The following ATG4D variants were observed in gnomAD, a reference collection of about 807,000 sequenced individuals.
ATG4D encodes cysteine protease ATG4D.
A neutral mutation model predicts 55.2 loss-of-function variants in ATG4D; 51 were observed. The observed-to-expected ratio is 0.92, with a 90% confidence interval of 0.74 to 1.17. The LOEUF is 1.17. Among genes scored for constraint, ATG4D ranks in the 50% most tolerant of loss-of-function variants. ATG4D has a pLI of 0.00. For synonymous variants in ATG4D, 268 were observed against 266.2 expected (o/e 1.01, Z -0.07); for missense variants, 635 against 649.6 (o/e 0.98, Z 0.25).
Position 10,545,311 on chromosome 19 carries a change from C to T in ATG4D, c.493+181C>T, listed in dbSNP as rs1306469413. On this transcript the variant is annotated intron_variant, in intron 3 of 9. Transcript: ENST00000309469. Reference sequence around the variant, plus strand: ...CCGGGGTTGGAAACGGTGGCTCATGCCTGTAATCCTAGCACTTTGGGAGGC... The same window carrying T: ...CCGGGGTTGGAAACGGTGGCTCATGTCTGTAATCCTAGCACTTTGGGAGGC... Among the ~76,000 whole-genome samples, 3 of 152,160 alleles carry T rather than the reference C, an allele frequency of 2.0e-5. No homozygotes were observed. In the East Asian group the frequency reaches 5.8e-4, roughly 29 times the overall value.
chr19:10,549,268 C>A (rs1916147275), intron 6 of ATG4D, among the ~76,000 whole-genome samples: 1 of 152,094 alleles, frequency 6.6e-6, no homozygotes, highest in Admixed American at 6.6e-5. Context: ...GGATTACAGG[C>A]ATGCGCCACC....
rs1916360247 is a variant in ATG4D at position 10,553,205 on chromosome 19, G to A, written c.*138G>A. 2 of 1,128,578 alleles carry A rather than the reference G, an allele frequency of 1.8e-6. No homozygotes were observed. The highest frequency in any genetic ancestry group is 2.6e-5 in the East Asian group (1 of 38,560). The allele number at this position is 1,128,578 out of a possible 1,614,324, so 69.9% of individuals were successfully genotyped here. ...TCAAGCCCAGCTGCAACCAGTCTGG[G>A]GCCATTCAGCCAGGGACAGAGCCCA... On this transcript the variant is annotated 3_prime_UTR_variant, in exon 10 of 10. Coordinates refer to ENST00000309469, the MANE Select transcript of ATG4D (RefSeq NM_032885.6).
intron 3 of ATG4D, among the ~76,000 whole-genome samples, chr19:10,546,634 A>G (rs1916037147): frequency 6.6e-6 from 1 of 152,134 alleles, no homozygotes; most frequent in Non-Finnish European, 1.5e-5. Flanking sequence ...GATTACAGGC[A>G]TGAGCCACCG....
In ATG4D at chr19:10,544,969, G is replaced by A. The variant is rs372027184; in HGVS notation, c.332G>A (p.Arg111His). Residue 111 changes from arginine to histidine, a missense_variant, in exon 3 of 10, where the codon CGT (arginine) becomes CAT (histidine). Arg to His is a conservative substitution (Grantham distance 29). Transcript: ENST00000309469. Reference sequence around the variant, plus strand: ...CCCGCTCTTGTAGGTGACATACAGCGTTTCCAGCGGGACTTTGTGTCCCGC... The same window carrying A: ...CCCGCTCTTGTAGGTGACATACAGCATTTCCAGCGGGACTTTGTGTCCCGC... ...YRFEGEGDIQ[R>H]FQRDFVSRLW... 1 of 1,591,196 alleles carries A rather than the reference G, an allele frequency of 6.3e-7. No homozygotes were observed. Among genetic ancestry groups the A allele is most frequent in the African/African-American group, 1.3e-5 (1 of 74,420 alleles).
At position 10,546,862 on chromosome 19, in the gene ATG4D, G is replaced by A. The variant is rs775891566; in HGVS notation, c.517G>A (p.Gly173Ser). The change falls in exon 4 of 10, where the codon GGC becomes AGC. Residue 173 changes from glycine (G) to serine (S), a missense_variant. By Grantham distance (56) the Gly-to-Ser change is moderately conservative. Transcript: ENST00000309469. ...PRDWTWAEGM[G>S]LGPPELSGSA... ...AGACTGGACATGGGCCGAGGGCATG[G>A]GCCTGGGCCCCCCTGAGCTGTCAGG... is the stretch of plus-strand genomic sequence containing the variant. The A allele has an allele frequency of 6.2e-5, 99 of 1,601,272 alleles. 1 individual carries two copies. The highest frequency in any genetic ancestry group is 2.1e-4 in the Middle Eastern group (1 of 4,812).
At position 10,544,166 on chromosome 19, in the gene ATG4D, C is replaced by G; in HGVS notation, c.76C>G (p.Arg26Gly). The part of the protein sequence containing the change: ...PEDARRRPEA[R>G]RPRGPRGPDP... ...GGACGCGCGCCGCCGGCCCGAGGCC[C>G]GCAGGCCGCGGGGTCCCAGAGGCCC... The change falls in exon 1 of 10, where the codon CGC (arginine) becomes GGC (glycine). Residue 26 changes from arginine (R) to glycine (G), a missense_variant. Transcript: ENST00000309469. The G allele has an allele frequency of 8.0e-7, 1 of 1,245,186 alleles. No homozygotes were observed. Among genetic ancestry groups the G allele is most frequent in the Non-Finnish European group, 1.0e-6 (1 of 987,556 alleles). 77.1% of individuals were successfully genotyped at this position (1,245,186 alleles called of 1,614,324 possible). A position where few individuals can be genotyped will look rare whatever the true frequency, so the allele number is the denominator to read the frequency against.
chr19:10,553,157 T>C lies in ATG4D; in HGVS notation c.*90T>C. On this transcript the variant is annotated 3_prime_UTR_variant, in exon 10 of 10. Transcript: ENST00000309469. Reference sequence around the variant, plus strand: ...GGATCTTGAGCTCTGGCAGTGATGATGGTACTTCCTGTTGTCAGCCCCTCA... The same window carrying C: ...GGATCTTGAGCTCTGGCAGTGATGACGGTACTTCCTGTTGTCAGCCCCTCA... 1 of 1,419,414 alleles carries C rather than the reference T, an allele frequency of 7.0e-7. No homozygotes were observed. The highest frequency in any genetic ancestry group is 9.3e-7 in the Non-Finnish European group (1 of 1,069,538). The allele number at this position is 1,419,414 out of a possible 1,614,324, so 87.9% of individuals were successfully genotyped here.
At chr19:10,552,397 G>C in intron 9 of ATG4D, 73 bp downstream of exon 9, 1 of 1,523,838 alleles carries the variant, frequency 6.6e-7, no homozygotes, top group Non-Finnish European at 8.8e-7. Flanking sequence ...AGGAACAGAG[G>C]CCTCGAGTCC....
intron 5 of ATG4D, among the ~76,000 whole-genome samples, chr19:10,547,897 A>G (rs1285580801): frequency 7.3e-6 from 1 of 136,410 alleles, no homozygotes; most frequent in Non-Finnish European, 1.5e-5. Flanking sequence ...GGGTTTCACC[A>G]TGTTGACAAG....
In ATG4D at chr19:10,544,211, C is replaced by T; in HGVS notation, c.121C>T (p.Pro41Ser). The T allele has an allele frequency of 1.6e-6, 2 of 1,252,754 alleles. No homozygotes were observed. The highest frequency in any genetic ancestry group is 2.0e-6 in the Non-Finnish European group (2 of 990,812). 77.6% of individuals were successfully genotyped at this position (1,252,754 alleles called of 1,614,324 possible). Reference sequence around the variant, plus strand: ...AGGCCCAGACCCCAACGGCCTGGGGCCTTCCGGAGCCAGCGGCCCCGCTCT... The same window carrying T: ...AGGCCCAGACCCCAACGGCCTGGGGTCTTCCGGAGCCAGCGGCCCCGCTCT... ...PRGPDPNGLG[P>S]SGASGPALGS... is the part of the protein sequence containing the mutation. Residue 41 changes from proline to serine, a missense_variant, in exon 1 of 10, where the codon CCT becomes TCT. Coordinates refer to ENST00000309469, the MANE Select transcript of ATG4D (RefSeq NM_032885.6).
Position 10,546,923 on chromosome 19 carries a change from G to A in ATG4D, c.578G>A (p.Arg193His), listed in dbSNP as rs376928245. 1.4e-5 allele frequency: 23 copies of A among 1,612,048 alleles called. No homozygotes were observed. The highest frequency in any genetic ancestry group is 6.7e-5 in the East Asian group (3 of 44,870). Reference protein sequence around the residue: ...ASPSRYHGPARWMPPRWAQGA... With the variant: ...ASPSRYHGPAHWMPPRWAQGA... ...CCCAGCCGGTACCATGGGCCTGCCC[G>A]CTGGATGCCCCCACGCTGGGCCCAG... The change falls in exon 4 of 10, where the codon CGC becomes CAC. Residue 193 changes from arginine (R) to histidine (H), a missense_variant. Transcript: ENST00000309469.
rs1032804091 is a variant in ATG4D at position 10,552,236 on chromosome 19, CCT to C, written c.1155_1156del (p.Phe386CysfsTer20). ...CACTGCACCTCGCCCCGCAAGATGG[CCT>C]TTGCCAAGATGGACCCAAGCTGTAC... is the stretch of plus-strand genomic sequence containing the variant. On this transcript the variant is annotated frameshift_variant, in exon 9 of 10. Transcript: ENST00000309469. LOFTEE classifies it high-confidence loss of function. 1 of 1,613,434 alleles carries C rather than the reference CCT, an allele frequency of 6.2e-7. No homozygotes were observed. The highest frequency in any genetic ancestry group is 1.3e-5 in the African/African-American group (1 of 75,014).
intron 9 of ATG4D, 92 bp from the exon 10 acceptor site, chr19:10,552,793 G>A (rs1012382022): frequency 3.0e-6 from 4 of 1,344,244 alleles, no homozygotes; most frequent in African/African-American, 1.5e-5. Flanking sequence ...TCCTGGAGAG[G>A]TGGTCCTGAG....
At chr19:10,551,744 G>A (rs1321493027) in intron 6 of ATG4D, among the ~76,000 whole-genome samples, 153 bp from the exon 7 acceptor site, 1 of 150,430 alleles carries the variant, frequency 6.6e-6, no homozygotes, top group African/African-American at 2.4e-5. Flanking sequence ...TTCCTTGTTA[G>A]TCTCTCACAC....
At chr19:10,551,697 CAAAAAAA>C (rs35373422) in intron 6 of ATG4D, among the ~76,000 whole-genome samples, 193 bp from the exon 7 acceptor site, 3 of 93,046 alleles carry the variant, frequency 3.2e-5, no homozygotes, top group Non-Finnish European at 6.3e-5. Flanking sequence ...GACTCCGTCT[CAAAAAAA>C]AAAAAAAAAA....
At chr19:10,545,245 G>A in intron 3 of ATG4D, 115 bp downstream of exon 3, 2 of 1,389,312 alleles carry the variant, frequency 1.4e-6, no homozygotes, top group Non-Finnish European at 1.9e-6. Context: ...TGTGTGTCAA[G>A]TAAGTTTTGG....
Position 10,552,291 on chromosome 19 carries a change from G to A in ATG4D, c.1209G>A (p.Lys403=). 1 of 1,613,480 alleles carries A rather than the reference G, an allele frequency of 6.2e-7. No individual in the cohort carries two copies. Among genetic ancestry groups the A allele is most frequent in the Non-Finnish European group, 8.5e-7 (1 of 1,180,018 alleles). The change falls in exon 9 of 10, where the codon AAG becomes AAA. Residue 403 remains lysine (K), a synonymous_variant. Transcript: ENST00000309469. ...CTVGFYAGDR[K]EFETLCSELT... is the part of the protein sequence containing the mutation. Reference sequence around the variant, plus strand: ...TGGGCTTCTATGCTGGAGACAGGAAGGAGTTTGAGACACTCTGCTCAGAGC... The same window carrying A: ...TGGGCTTCTATGCTGGAGACAGGAAAGAGTTTGAGACACTCTGCTCAGAGC...
At chr19:10,549,272 C>T (rs980101323) in intron 6 of ATG4D, among the ~76,000 whole-genome samples, 3 of 151,612 alleles carry the variant, frequency 2.0e-5, no homozygotes, top group Non-Finnish European at 4.4e-5. Flanking sequence ...TACAGGCATG[C>T]GCCACCACGA....
chr19:10,544,580 A>G lies in ATG4D; in HGVS notation c.236-203A>G, dbSNP rs1189119394. 3 of 1,156,392 alleles carry G rather than the reference A, an allele frequency of 2.6e-6. No homozygotes were observed. The African/African-American group carries it at 4.7e-5, about 18-fold the overall frequency. The allele number at this position is 1,156,392 out of a possible 1,614,324, so 71.6% of individuals were successfully genotyped here. A position where few individuals can be genotyped will look rare whatever the true frequency, so the allele number is the denominator to read the frequency against. On this transcript the variant is annotated intron_variant, in intron 1 of 9. Coordinates refer to ENST00000309469, the MANE Select transcript of ATG4D (RefSeq NM_032885.6). ...CCCTCTCTGTAAAATGGGTACAATA[A>G]TCAGAACTACCTTCCTTCATCCTGA... is the stretch of plus-strand genomic sequence containing the variant.
Sources: gnomAD v4.1 joint callset for allele counts (sites outside exome capture counted in the v4.1 genomes callset) on GRCh38, gnomAD v4.1.1 for gene constraint, MANE v1.5 for transcripts, NCBI Gene and HGNC (gene_info 2026-07-23, HGNC 2026-07-21) for gene names.